The following PLEKHA7 variants were observed in gnomAD, a reference collection of about 807,000 sequenced individuals.
PLEKHA7 encodes the protein pleckstrin homology domain-containing family A member 7.
In PLEKHA7, 104 loss-of-function variants were observed where a neutral mutation model predicts 170.0. The observed-to-expected ratio is 0.61, with a 90% confidence interval of 0.52 to 0.72. The LOEUF (loss-of-function observed/expected upper bound fraction) is 0.72. Ranked by LOEUF, PLEKHA7 falls within the 30% of genes least tolerant of loss-of-function variation. The pLI is 0.00. For synonymous variants in PLEKHA7, 648 were observed against 660.8 expected (o/e 0.98, Z 0.30); for missense variants, 1,615 against 1,671.7 (o/e 0.97, Z 0.59).
chr11:16,888,200 A>T (rs528365995), intron 3 of PLEKHA7, among the ~76,000 whole-genome samples: 2 of 150,680 alleles, frequency 1.3e-5, no homozygotes, highest in Admixed American at 1.3e-4. Flanking sequence ...TCTGCCCAGC[A>T]GCCGCCCCAT....
chr11:16,930,439 T>C (rs1229141195), intron 3 of PLEKHA7, among the ~76,000 whole-genome samples: 1 of 152,230 alleles, frequency 6.6e-6, no homozygotes, highest in South Asian at 2.1e-4. Flanking sequence ...GAGAAAGACC[T>C]TGTCTCAAAA....
rs1489217039 is a variant in PLEKHA7, at chr11:16,956,119, A to G, written c.221+57870T>C. Among the ~76,000 whole-genome samples, 3 of 152,344 alleles carry G rather than the reference A, an allele frequency of 2.0e-5. No homozygotes were observed. In the East Asian group the frequency reaches 5.8e-4, roughly 29 times the overall value. On this transcript the variant is annotated intron_variant, in intron 3 of 26. Transcript: ENST00000531066. ...CACAGGGACCAGGCAAAACAATCAT[A>G]TTCTCTTCTCATAACAGAGCAGCTC...
At chr11:16,966,721 G>A (rs7396552) in intron 3 of PLEKHA7, among the ~76,000 whole-genome samples, 131,940 of 151,826 alleles carry the variant, frequency 0.87, 57,334 homozygotes, top group South Asian at 0.91. Flanking sequence ...CTCTTTTCCA[G>A]AGCAAACTCT....
At chr11:16,978,331 G>A (rs139386647) in intron 3 of PLEKHA7, among the ~76,000 whole-genome samples, 9 of 152,222 alleles carry the variant, frequency 5.9e-5, no homozygotes, top group Admixed American at 3.9e-4. Flanking sequence ...AAGGAAACAC[G>A]GGAAACAAAA....
At chr11:16,859,804 A>G (rs1853789074) in intron 4 of PLEKHA7, among the ~76,000 whole-genome samples, 1 of 152,244 alleles carries the variant, frequency 6.6e-6, no homozygotes, top group Non-Finnish European at 1.5e-5. Flanking sequence ...AAAGGCATTC[A>G]GTTCCCAGCA....
Position 17,007,329 on chromosome 11 carries a change from AT to A in PLEKHA7, c.221+6659del, listed in dbSNP as rs58115450. 9.6e-3 allele frequency among the ~76,000 whole-genome samples: 1,441 copies of A among 150,784 alleles called. 25 individuals carry two copies. Among genetic ancestry groups the A allele is most frequent in the African/African-American group, 0.033 (1,346 of 41,180 alleles). ...AGAATTACATTAAATAGAAAAAAAAATTTTTTTTTTGAGACAGAGTTTTACT... is the reference window on the plus strand; with the variant it reads ...AGAATTACATTAAATAGAAAAAAAAATTTTTTTTTGAGACAGAGTTTTACT... On this transcript the variant is annotated intron_variant, in intron 3 of 26. Transcript: ENST00000531066.
chr11:16,868,177 A>G lies in PLEKHA7; in HGVS notation c.305+2922T>C, dbSNP rs896701450. Among the ~76,000 whole-genome samples, 6 of 152,222 alleles carry G rather than the reference A, an allele frequency of 3.9e-5. No individual in the cohort carries two copies. The East Asian group carries it at 5.8e-4, about 15-fold the overall frequency. ...GTTAGAGTCCCCTTTATCAATTCCC[A>G]TTGAACCCTATGTTTCCTCTGTCAT... On this transcript the variant is annotated intron_variant, in intron 4 of 26. Coordinates refer to ENST00000531066, the MANE Select transcript of PLEKHA7 (RefSeq NM_001329630.2).
intron 3 of PLEKHA7, among the ~76,000 whole-genome samples, chr11:16,879,660 G>C (rs1004268525): frequency 2.4e-4 from 36 of 152,338 alleles, no homozygotes; most frequent in African/African-American, 7.9e-4. Flanking sequence ...AAAGGGAACA[G>C]AGCCTGGCAC....
intron 4 of PLEKHA7, among the ~76,000 whole-genome samples, chr11:16,870,662 G>T (rs1590404715): frequency 7.3e-6 from 1 of 136,456 alleles, no homozygotes; most frequent in African/African-American, 2.8e-5. Context: ...AAAAAAAAAA[G>T]ATATGGGGTC....
chr11:16,920,302 T>G (rs1384777799), intron 3 of PLEKHA7, among the ~76,000 whole-genome samples: 6 of 152,206 alleles, frequency 3.9e-5, no homozygotes, highest in Non-Finnish European at 8.8e-5. Flanking sequence ...AATAAAGAGC[T>G]TCACCTGAAT....
At chr11:16,976,811 C>G (rs1863095521) in intron 3 of PLEKHA7, among the ~76,000 whole-genome samples, 1 of 152,238 alleles carries the variant, frequency 6.6e-6, no homozygotes, top group South Asian at 2.1e-4. Flanking sequence ...AGACCCAAGG[C>G]AGGGGATCAT....
At chr11:17,000,102 G>A (rs1233601064) in intron 3 of PLEKHA7, among the ~76,000 whole-genome samples, 4 of 151,936 alleles carry the variant, frequency 2.6e-5, no homozygotes, top group East Asian at 3.9e-4. Flanking sequence ...TTGTTTTTTT[G>A]AGACAGAGTC....
At chr11:16,833,427 C>G (rs1564981932) in intron 9 of PLEKHA7, among the ~76,000 whole-genome samples, 3 of 152,214 alleles carry the variant, frequency 2.0e-5, no homozygotes, top group Admixed American at 6.5e-5. Flanking sequence ...TTCATTCCTG[C>G]CTGAAGAATC....
At position 16,912,201 on chromosome 11, in the gene PLEKHA7, C is replaced by G. The variant is rs118070314; in HGVS notation, c.222-41019G>C. Among the ~76,000 whole-genome samples, 196 of 152,242 alleles carry G rather than the reference C, an allele frequency of 1.3e-3. 4 individuals are homozygous for G. The East Asian group carries it at 0.033, about 26-fold the overall frequency. ...AATGTTTCTAAAATGATGCCAGAGCCCCAGTCCAGACCAAATAAATCAGAA... is the reference window on the plus strand; with the variant it reads ...AATGTTTCTAAAATGATGCCAGAGCGCCAGTCCAGACCAAATAAATCAGAA... On this transcript the variant is annotated intron_variant, in intron 3 of 26. Coordinates refer to ENST00000531066, the MANE Select transcript of PLEKHA7 (RefSeq NM_001329630.2).
chr11:16,891,699 A>T (rs947491571), intron 3 of PLEKHA7, among the ~76,000 whole-genome samples: 2 of 152,290 alleles, frequency 1.3e-5, no homozygotes, highest in African/African-American at 4.8e-5. Context: ...ATTCAATTTT[A>T]AACTGATCAG....
At chr11:16,862,559 A>C (rs1043379760) in intron 4 of PLEKHA7, among the ~76,000 whole-genome samples, 3 of 152,242 alleles carry the variant, frequency 2.0e-5, no homozygotes, top group Non-Finnish European at 2.9e-5. Context: ...TACTACTTAC[A>C]GGAAGCAGCT....
At chr11:16,959,779 G>A (rs1241581236) in intron 3 of PLEKHA7, among the ~76,000 whole-genome samples, 1 of 152,218 alleles carries the variant, frequency 6.6e-6, no homozygotes, top group Non-Finnish European at 1.5e-5. Flanking sequence ...TTCTTTATCA[G>A]TGTGTGGTTC....
At chr11:16,881,170 A>G (rs372985853) in intron 3 of PLEKHA7, 3 of 152,186 alleles carry the variant, frequency 2.0e-5, no homozygotes, top group African/African-American at 7.2e-5. Flanking sequence ...TCTCTCAGTC[A>G]TTACTTGACT....
At chr11:16,809,560 C>A (rs1849220058) in intron 13 of PLEKHA7, among the ~76,000 whole-genome samples, 1 of 152,204 alleles carries the variant, frequency 6.6e-6, no homozygotes, top group Non-Finnish European at 1.5e-5. Flanking sequence ...GGTCTACAGG[C>A]CTATTCAACC....
Sources: allele counts gnomAD v4.1 joint callset (sites outside exome capture counted in the v4.1 genomes callset), GRCh38; gene constraint gnomAD v4.1.1; transcripts MANE v1.5; gene names NCBI Gene and HGNC (gene_info 2026-07-23, HGNC 2026-07-21).